The following FUT8 variants were observed in gnomAD, a reference collection of about 807,000 sequenced individuals.
The protein encoded by FUT8 is alpha-(1,6)-fucosyltransferase.
FUT8 carries 29 observed loss-of-function variants against 71.3 expected under a neutral mutation model. The ratio of observed to expected loss-of-function variants is 0.41; its 90% confidence interval spans 0.30 to 0.55. FUT8 has a LOEUF of 0.55. Among genes scored for constraint, FUT8 ranks in the 20% least tolerant of loss-of-function variants. The pLI is 0.34. For missense variants in FUT8, 544 were observed against 702.1 expected, an observed-to-expected ratio of 0.77 and a Z score of 2.55; for synonymous variants, 254 against 239.3, an observed-to-expected ratio of 1.06 and a Z score of -0.57.
At chr14:65,542,478 C>T (rs1232933827) in intron 2 of FUT8, among the ~76,000 whole-genome samples, 1 of 152,126 alleles carries the variant, frequency 6.6e-6, no homozygotes, top group Non-Finnish European at 1.5e-5. Context: ...TTATTTGTTT[C>T]CCTTATTTTG....
chr14:65,639,142 G>T (rs534166416), intron 6 of FUT8, among the ~76,000 whole-genome samples: 2 of 152,158 alleles, frequency 1.3e-5, no homozygotes, highest in East Asian at 3.9e-4. Context: ...AACAAGAAGT[G>T]GTAGTGGATA....
chr14:65,717,352 C>T (rs1489277601), intron 7 of FUT8, among the ~76,000 whole-genome samples: 7 of 140,824 alleles, frequency 5.0e-5, no homozygotes, highest in South Asian at 4.7e-4. Flanking sequence ...CGGGCAGAGA[C>T]GCTCCTCACT....
chr14:65,540,437 T>A (rs1039649614), intron 2 of FUT8, among the ~76,000 whole-genome samples: 14 of 152,344 alleles, frequency 9.2e-5, no homozygotes, highest in African/African-American at 3.4e-4. Flanking sequence ...TTCCACTTTA[T>A]TGAAAGTGTA....
chr14:65,563,566 T>C (rs1446045960), intron 3 of FUT8, among the ~76,000 whole-genome samples: 1 of 152,038 alleles, frequency 6.6e-6, no homozygotes, highest in Non-Finnish European at 1.5e-5. Context: ...TCACCAAGAA[T>C]AGCTACTATT....
chr14:65,530,125 T>G (rs1391705415), intron 2 of FUT8, among the ~76,000 whole-genome samples: 2 of 152,286 alleles, frequency 1.3e-5, no homozygotes, highest in East Asian at 3.9e-4. Flanking sequence ...ACTCTCTCAC[T>G]TCAGGAACTT....
At chr14:65,726,726 C>T (rs1895704938) in intron 9 of FUT8, among the ~76,000 whole-genome samples, 1 of 152,138 alleles carries the variant, frequency 6.6e-6, no homozygotes, top group Admixed American at 6.6e-5. Flanking sequence ...GTCATACTTT[C>T]CCAACAGTCC....
intron 2 of FUT8, among the ~76,000 whole-genome samples, chr14:65,531,036 T>C (rs1003984403): frequency 6.7e-6 from 1 of 150,020 alleles, no homozygotes; most frequent in African/African-American, 2.5e-5. Flanking sequence ...TAAAATATGG[T>C]GTTTAAGTTT....
At chr14:65,739,205 G>A (rs184172534) in intron 10 of FUT8, among the ~76,000 whole-genome samples, 1 of 151,894 alleles carries the variant, frequency 6.6e-6, no homozygotes, top group African/African-American at 2.4e-5. Context: ...GGACATAATC[G>A]GTGCTCATTA....
chr14:65,543,385 C>T (rs916316479), intron 2 of FUT8, among the ~76,000 whole-genome samples: 2 of 152,066 alleles, frequency 1.3e-5, no homozygotes, highest in Non-Finnish European at 1.5e-5. Flanking sequence ...TATGTATGGG[C>T]TTATTCAACA....
the FUT8 span, among the ~76,000 whole-genome samples, chr14:65,396,364 G>A: frequency 6.6e-6 from 1 of 152,158 alleles, no homozygotes; most frequent in East Asian, 1.9e-4. The surrounding 1 kb of genome is among the most constrained non-coding windows in gnomAD (Gnocchi z 5.5). Flanking sequence ...AAGACAAAGA[G>A]GTTTAATGGA....
At chr14:65,499,695 C>T (rs2066615232) in intron 2 of FUT8, among the ~76,000 whole-genome samples, 1 of 151,682 alleles carries the variant, frequency 6.6e-6, no homozygotes, top group African/African-American at 2.4e-5. Context: ...TGCCTGTAGT[C>T]TCAGCTACAT....
intron 5 of FUT8, chr14:65,616,985 G>C (rs1889318286): frequency 1.6e-6 from 2 of 1,252,810 alleles, no homozygotes; most frequent in Non-Finnish European, 2.2e-6. Context: ...AAAACATTTT[G>C]GTGCTGTTGT....
chr14:65,487,278 T>G (rs2066422026), intron 2 of FUT8, among the ~76,000 whole-genome samples: 1 of 152,044 alleles, frequency 6.6e-6, no homozygotes, highest in Non-Finnish European at 1.5e-5. Flanking sequence ...ATTAAGAATG[T>G]TGGGGCTGGG....
intron 7 of FUT8, among the ~76,000 whole-genome samples, chr14:65,693,275 C>T (rs1386731720): frequency 6.6e-6 from 1 of 152,262 alleles, no homozygotes; most frequent in Non-Finnish European, 1.5e-5. Context: ...GAGGCCGAGG[C>T]TGGCGGATCA....
intron 7 of FUT8, among the ~76,000 whole-genome samples, chr14:65,683,311 C>T (rs1205116122): frequency 1.3e-5 from 2 of 152,092 alleles, no homozygotes; most frequent in East Asian, 1.9e-4. Context: ...CCACTCCTGG[C>T]CAGGTTTCTT....
At chr14:65,595,832 A>G (rs1264735945) in intron 3 of FUT8, among the ~76,000 whole-genome samples, 1 of 151,946 alleles carries the variant, frequency 6.6e-6, no homozygotes, top group Non-Finnish European at 1.5e-5. Context: ...GATGGTCTCA[A>G]TCTCCTGACC....
intron 3 of FUT8, among the ~76,000 whole-genome samples, chr14:65,580,097 C>T (rs971722077): frequency 1.0e-4 from 12 of 116,858 alleles, no homozygotes; most frequent in African/African-American, 2.6e-4. Context: ...TATAGTCATG[C>T]ATTGCTTAAG....
At chr14:65,570,862 G>A (rs550631410) in intron 3 of FUT8, among the ~76,000 whole-genome samples, 6 of 152,244 alleles carry the variant, frequency 3.9e-5, no homozygotes, top group African/African-American at 1.4e-4. Context: ...TTAGGAGTAT[G>A]CGCCTGTAAC....
In FUT8 at chr14:65,712,514, G is replaced by A. The variant is rs183208249; in HGVS notation, c.836-9261G>A. ...TCTGGAGTGCAAATGGCATGATGTC[G>A]GCTCACTGCAACCTCTGCCTCCTGG... On this transcript the variant is annotated intron_variant, in intron 7 of 10. Coordinates refer to ENST00000673929, the MANE Select transcript of FUT8 (RefSeq NM_001371533.1). Among the ~76,000 whole-genome samples, 266 of 152,186 alleles carry A rather than the reference G, an allele frequency of 1.7e-3. 2 individuals are homozygous for A. Among genetic ancestry groups the A allele is most frequent in the Non-Finnish European group, 1.2e-3 (81 of 68,004 alleles).
Sources: allele counts gnomAD v4.1 joint callset (sites outside exome capture counted in the v4.1 genomes callset), GRCh38; gene constraint gnomAD v4.1.1; non-coding constraint Gnocchi (gnomAD v3.1); transcripts MANE v1.5; gene names NCBI Gene and HGNC (gene_info 2026-07-23, HGNC 2026-07-21).